Variants in CHD7 observed in about 807,000 individuals in gnomAD.
The protein encoded by CHD7 is chromodomain helicase DNA binding protein 7.
In CHD7, 24 loss-of-function variants were observed where a neutral mutation model predicts 307.3. The observed-to-expected ratio is 0.08, with a 90% CI of 0.06 to 0.11. The LOEUF (loss-of-function observed/expected upper bound fraction) is 0.11. Ranked by LOEUF, CHD7 falls within the 10% of genes least tolerant of loss-of-function variation. The probability of loss-of-function intolerance (pLI) is 1.00; values close to 1 mark genes in which losing one functional copy is unlikely to be tolerated. For synonymous variants in CHD7, 1,363 were observed against 1,349.9 expected, an observed-to-expected ratio of 1.01 and a Z score of -0.21; for missense variants, 3,106 against 3,727.1, an observed-to-expected ratio of 0.83 and a Z score of 4.34.
At chr8:60,694,180 G>T (rs1262221269) in intron 1 of CHD7, among the ~76,000 whole-genome samples, 1 of 152,216 alleles carries the variant, frequency 6.6e-6, no homozygotes, top group African/African-American at 2.4e-5. Context: ...AATCTTTTTG[G>T]CTTTTGGAAA....
intron 12 of CHD7, among the ~76,000 whole-genome samples, 163 bp from the exon 13 acceptor site, chr8:60,823,677 T>A (rs2150752054): frequency 6.6e-6 from 1 of 152,310 alleles, no homozygotes; most frequent in South Asian, 2.1e-4. Context: ...TGTTTTACCA[T>A]ATCGTTTAAA....
chr8:60,737,005 A>T (rs1239964026), intron 1 of CHD7, among the ~76,000 whole-genome samples: 1 of 152,112 alleles, frequency 6.6e-6, no homozygotes, highest in African/African-American at 2.4e-5. Flanking sequence ...TTTAATAAGT[A>T]AAAATTTAAC....
chr8:60,716,822 T>C (rs1359930703), intron 1 of CHD7, among the ~76,000 whole-genome samples: 2 of 152,184 alleles, frequency 1.3e-5, no homozygotes, highest in Non-Finnish European at 2.9e-5. Flanking sequence ...TTGCTTAAAA[T>C]TATATGGGAG....
intron 19 of CHD7, 26 bp downstream of exon 19, chr8:60,838,281 G>T: frequency 6.3e-7 from 1 of 1,582,890 alleles, no homozygotes; most frequent in Non-Finnish European, 8.6e-7. Context: ...AAGAGGCCAG[G>T]TTTTCCATAG....
At chr8:60,818,041 A>C (rs1173920301) in intron 8 of CHD7, among the ~76,000 whole-genome samples, 1 of 152,212 alleles carries the variant, frequency 6.6e-6, no homozygotes, top group African/African-American at 2.4e-5. Flanking sequence ...TTACCTGGTA[A>C]CTTGGCAGCT....
chr8:60,748,466 C>T (rs1809445103), intron 2 of CHD7, among the ~76,000 whole-genome samples: 1 of 152,118 alleles, frequency 6.6e-6, no homozygotes, highest in Admixed American at 6.5e-5. Context: ...ATGGACACAG[C>T]ACCATGGGGC....
chr8:60,736,618 A>G, intron 1 of CHD7, among the ~76,000 whole-genome samples: 1 of 152,212 alleles, frequency 6.6e-6, no homozygotes. Flanking sequence ...TGGAAGAGAG[A>G]AATTTAAATA....
intron 1 of CHD7, among the ~76,000 whole-genome samples, chr8:60,690,805 A>G (rs1806156731): frequency 6.6e-6 from 1 of 152,186 alleles, no homozygotes; most frequent in Non-Finnish European, 1.5e-5. Flanking sequence ...TGGTTGGGCT[A>G]TGGGAGTGGC....
chr8:60,810,380 AGTGTGTGTGTGTGT>A (rs112629399), intron 7 of CHD7, among the ~76,000 whole-genome samples: 4 of 145,980 alleles, frequency 2.7e-5, no homozygotes, highest in Non-Finnish European at 6.0e-5. Context: ...AGAGAGAGAG[AGTGTGTGTGTGTGT>A]GTGTGTGTGT....
intron 1 of CHD7, among the ~76,000 whole-genome samples, chr8:60,681,010 C>T (rs10957153): frequency 0.14 from 21,131 of 151,668 alleles, 2,293 homozygotes; most frequent in African/African-American, 0.3. Flanking sequence ...GTGGGCGATA[C>T]CTTTCTAAGG....
intron 1 of CHD7, among the ~76,000 whole-genome samples, chr8:60,709,874 T>A (rs1220964413): frequency 6.6e-6 from 1 of 152,240 alleles, no homozygotes; most frequent in Non-Finnish European, 1.5e-5. Flanking sequence ...CCTACAGAGT[T>A]TAAAATGTGT....
At chr8:60,836,691 A>C (rs1804757069) in intron 16 of CHD7, 126 bp from the exon 17 acceptor site, 1 of 628,106 alleles carries the variant, frequency 1.6e-6, no homozygotes, top group African/African-American at 1.9e-5. Context: ...CTCTGAGATT[A>C]GTTCTGTTAA....
In CHD7 at chr8:60,814,179, C is replaced by T. The variant is rs529752598; in HGVS notation, c.2499-2208C>T. 6.8e-4 allele frequency among the ~76,000 whole-genome samples: 104 copies of T among 152,354 alleles called. 1 individual carries two copies. Among genetic ancestry groups the T allele is most frequent in the African/African-American group, 2.4e-3 (99 of 41,586 alleles). On this transcript the variant is annotated intron_variant, in intron 7 of 37. Coordinates refer to ENST00000423902, the MANE Select transcript of CHD7 (RefSeq NM_017780.4). The stretch of plus-strand genomic sequence containing the variant: ...TGACCCTTTATTCTTCCTTCCTCTT[C>T]TTCCTAAGCCTCCAGAATGGGTTAT...
intron 34 of CHD7, 108 bp downstream of exon 34, chr8:60,856,996 C>A: frequency 3.3e-6 from 3 of 898,752 alleles, no homozygotes; most frequent in Non-Finnish European, 5.0e-6. Flanking sequence ...TGTATGAAAG[C>A]CAGCTTCCTC....
intron 2 of CHD7, among the ~76,000 whole-genome samples, chr8:60,775,552 G>T (rs1810910849): frequency 6.6e-6 from 1 of 152,180 alleles, no homozygotes; most frequent in African/African-American, 2.4e-5. Context: ...GCTAGAGAAG[G>T]TGATGAATTT....
chr8:60,681,821 A>C (rs887077251), intron 1 of CHD7, among the ~76,000 whole-genome samples: 2 of 152,174 alleles, frequency 1.3e-5, no homozygotes, highest in African/African-American at 4.8e-5. Context: ...TCGAGTCACT[A>C]AATTGAACCA....
intron 1 of CHD7, among the ~76,000 whole-genome samples, chr8:60,732,905 C>T (rs991055351): frequency 6.6e-6 from 1 of 151,990 alleles, no homozygotes; most frequent in Non-Finnish European, 1.5e-5. Context: ...ATTTGATTTT[C>T]TTCTCTACCA....
intron 19 of CHD7, among the ~76,000 whole-genome samples, chr8:60,841,216 T>A (rs1322611745): frequency 6.6e-6 from 1 of 152,246 alleles, no homozygotes; most frequent in African/African-American, 2.4e-5. Flanking sequence ...CTTCCCTGAC[T>A]ACCCTTATCC....
intron 1 of CHD7, among the ~76,000 whole-genome samples, chr8:60,685,082 A>G (rs1476385769): frequency 6.6e-6 from 1 of 152,226 alleles, no homozygotes; most frequent in African/African-American, 2.4e-5. Context: ...CTATTCACAG[A>G]GGCAAGAATC....
Sources: gnomAD v4.1 joint callset for allele counts (sites outside exome capture counted in the v4.1 genomes callset) on GRCh38, gnomAD v4.1.1 for gene constraint, MANE v1.5 for transcripts, NCBI Gene and HGNC (gene_info 2026-07-23, HGNC 2026-07-21) for gene names.